The following DDX10 variants were observed in gnomAD, a reference collection of about 807,000 sequenced individuals.
DDX10 encodes probable ATP-dependent RNA helicase DDX10.
DDX10 carries 74 observed loss-of-function variants against 104.3 expected under a neutral mutation model. The observed-to-expected ratio is 0.71, with a 90% CI of 0.59 to 0.86. The LOEUF (loss-of-function observed/expected upper bound fraction) is 0.86. DDX10 is among the 40% of genes least tolerant of loss of function. The probability of loss-of-function intolerance (pLI) is 0.00; values close to 1 mark genes in which losing one functional copy is unlikely to be tolerated. For synonymous variants in DDX10, 351 were observed against 353.4 expected (o/e 0.99, Z 0.08); for missense variants, 952 against 1,040.0 (o/e 0.92, Z 1.16).
chr11:108,786,042 T>A (rs1861785994), intron 13 of DDX10, among the ~76,000 whole-genome samples: 1 of 152,178 alleles, frequency 6.6e-6, no homozygotes, highest in African/African-American at 2.4e-5. Context: ...ATAAGTTGTG[T>A]CTCTGCTTTT....
intron 13 of DDX10, among the ~76,000 whole-genome samples, chr11:108,728,211 C>T (rs1185413734): frequency 6.6e-6 from 1 of 152,098 alleles, no homozygotes; most frequent in East Asian, 1.9e-4. Context: ...AGGTTCCTTT[C>T]CTCTCAGTCC....
chr11:108,841,793 C>G (rs1366801050), intron 15 of DDX10, among the ~76,000 whole-genome samples: 1 of 152,018 alleles, frequency 6.6e-6, no homozygotes, highest in Non-Finnish European at 1.5e-5. Context: ...TAGAGATATC[C>G]CAAGCTCTCC....
At chr11:108,888,825 C>T (rs1863337356) in intron 16 of DDX10, among the ~76,000 whole-genome samples, 2 of 151,616 alleles carry the variant, frequency 1.3e-5, no homozygotes. Context: ...AACCAATAGA[C>T]CCTGGTGTTC....
At chr11:108,920,612 G>A (rs747036245) in intron 17 of DDX10, 5 of 152,198 alleles carry the variant, frequency 3.3e-5, no homozygotes, top group African/African-American at 4.8e-5. Flanking sequence ...ACAGATCAGT[G>A]TGATCTTTGT....
At chr11:108,881,635 C>A (rs1291746383) in intron 16 of DDX10, among the ~76,000 whole-genome samples, 1 of 152,146 alleles carries the variant, frequency 6.6e-6, no homozygotes, top group Non-Finnish European at 1.5e-5. Flanking sequence ...AGCTATTCAA[C>A]ACTCTATTAT....
At chr11:108,828,659 C>T (rs1015729752) in intron 13 of DDX10, among the ~76,000 whole-genome samples, 1 of 152,076 alleles carries the variant, frequency 6.6e-6, no homozygotes, top group Non-Finnish European at 1.5e-5. Context: ...GACTATAGCT[C>T]CGTCGCCCAG....
chr11:108,852,153 G>T lies in DDX10; in HGVS notation c.2248G>T (p.Glu750Ter). The T allele has an allele frequency of 6.2e-7, 1 of 1,609,634 alleles. No homozygotes were observed. Among genetic ancestry groups the T allele is most frequent in the Non-Finnish European group, 8.5e-7 (1 of 1,177,276 alleles). The change falls in exon 16 of 18, where the codon GAG becomes TAG. Residue 750 changes from glutamate (E) to a stop codon, truncating the protein, a stop_gained and splice_region_variant. Transcript: ENST00000322536. LOFTEE classifies it high-confidence loss of function. ...TTTTTCTCCTCTTCCTTGTCTCCAG[G>T]AGAAAAGACTGAAAGAAAGGGAAGC... is the stretch of plus-strand genomic sequence containing the variant. ...YRKKIKAKHR[E>*]KRLKEREARR...
intron 16 of DDX10, among the ~76,000 whole-genome samples, chr11:108,860,265 A>G (rs1862923602): frequency 6.6e-6 from 1 of 152,234 alleles, no homozygotes; most frequent in Non-Finnish European, 1.5e-5. Context: ...TGTAAAGGCT[A>G]TATTAAGATT....
rs1863890638 is a variant in DDX10 at position 108,925,103 on chromosome 11, A to G, written c.2450+7085A>G. 2.6e-5 allele frequency among the ~76,000 whole-genome samples: 4 copies of G among 152,170 alleles called. No homozygotes were observed. The South Asian group carries it at 8.3e-4, about 31-fold the overall frequency. On this transcript the variant is annotated intron_variant, in intron 17 of 17. Transcript: ENST00000322536. The stretch of plus-strand genomic sequence containing the variant: ...TCGTTTCTTATTTGTCAAACATTTG[A>G]AAATAAGAACAATATTTGGAGAAAC...
At chr11:108,786,814 CT>C (rs1861800856) in intron 13 of DDX10, among the ~76,000 whole-genome samples, 1 of 152,072 alleles carries the variant, frequency 6.6e-6, no homozygotes, top group Admixed American at 6.6e-5. Flanking sequence ...CATTCTATGC[CT>C]TTTAAGTGGG....
At chr11:108,818,031 TTAAAG>T (rs1320007056) in intron 13 of DDX10, among the ~76,000 whole-genome samples, 1 of 152,190 alleles carries the variant, frequency 6.6e-6, no homozygotes, top group East Asian at 1.9e-4. Context: ...ATACCTGTCT[TTAAAG>T]TAAACTGAAG....
chr11:108,747,788 C>T (rs983879331), intron 13 of DDX10, among the ~76,000 whole-genome samples: 1 of 152,146 alleles, frequency 6.6e-6, no homozygotes, highest in African/African-American at 2.4e-5. Flanking sequence ...TTAACCACTA[C>T]TATTAATGAC....
At chr11:108,903,396 T>G (rs7932029) in intron 16 of DDX10, among the ~76,000 whole-genome samples, 1,542 of 152,266 alleles carry the variant, frequency 0.01, 27 homozygotes, top group African/African-American at 0.033. Context: ...AGGACTTCAT[T>G]TCTTTTCATT....
chr11:108,711,329 T>C (rs1368944169), intron 10 of DDX10, among the ~76,000 whole-genome samples: 1 of 152,220 alleles, frequency 6.6e-6, no homozygotes, highest in Non-Finnish European at 1.5e-5. Context: ...CAGTTACCTT[T>C]CTGCTATTTC....
intron 13 of DDX10, among the ~76,000 whole-genome samples, chr11:108,725,033 T>C (rs1307875991): frequency 6.6e-6 from 1 of 152,116 alleles, no homozygotes; most frequent in Admixed American, 6.6e-5. Context: ...CAACCACTGA[T>C]CTGATTTCTA....
At chr11:108,801,807 C>T (rs1162584038) in intron 13 of DDX10, among the ~76,000 whole-genome samples, 1 of 152,050 alleles carries the variant, frequency 6.6e-6, no homozygotes, top group Non-Finnish European at 1.5e-5. Flanking sequence ...AACTGTCTTT[C>T]ACCACAATTA....
chr11:108,868,966 C>T (rs1323133455), intron 16 of DDX10, among the ~76,000 whole-genome samples: 3 of 137,132 alleles, frequency 2.2e-5, no homozygotes, highest in East Asian at 2.1e-4. Context: ...AAGAATTAAG[C>T]TTTTTTTTTT....
intron 16 of DDX10, among the ~76,000 whole-genome samples, chr11:108,894,888 G>T (rs977137865): frequency 6.6e-6 from 1 of 151,920 alleles, no homozygotes; most frequent in African/African-American, 2.4e-5. Flanking sequence ...AGTATTATAA[G>T]TGATTGCTTT....
chr11:108,728,503 T>TTTTTTG (rs2094307986), intron 13 of DDX10, among the ~76,000 whole-genome samples: 3 of 73,174 alleles, frequency 4.1e-5, no homozygotes, highest in African/African-American at 1.1e-4. Flanking sequence ...ACACATTTGT[T>TTTTTTG]CTTTTTTTTT....
Sources: gnomAD v4.1 joint callset for allele counts (sites outside exome capture counted in the v4.1 genomes callset) on GRCh38, gnomAD v4.1.1 for gene constraint, MANE v1.5 for transcripts, NCBI Gene and HGNC (gene_info 2026-07-23, HGNC 2026-07-21) for gene names.